Variants in HTRA4 observed in about 807,000 individuals in gnomAD.
The protein encoded by HTRA4 is HtrA serine peptidase 4.
In HTRA4, 46 loss-of-function variants were observed where a neutral mutation model predicts 49.1. That is an observed-to-expected ratio of 0.94 (90% CI 0.74 to 1.20). HTRA4 has a LOEUF of 1.20. HTRA4 is among the 50% of genes most tolerant of loss of function. The pLI, the probability that HTRA4 is intolerant of heterozygous loss-of-function variation, is 0.00. For synonymous variants in HTRA4, 261 were observed against 264.0 expected (o/e 0.99, Z 0.11); for missense variants, 602 against 636.9 (o/e 0.95, Z 0.59).
chr8:38,979,293 CAA>C (rs772800309), intron 5 of HTRA4, 46 bp downstream of exon 5: 2 of 1,567,522 alleles, frequency 1.3e-6, no homozygotes, highest in Admixed American at 3.3e-5. Flanking sequence ...TCTTAACTTT[CAA>C]AGACTTTATT....
At chr8:38,982,610 T>C (rs1335206141) in intron 7 of HTRA4, 55 bp downstream of exon 7, 1 of 1,535,340 alleles carries the variant, frequency 6.5e-7, no homozygotes, top group Non-Finnish European at 9.0e-7. Context: ...AAACCATAGC[T>C]GCACAGTCTT....
Position 38,978,086 on chromosome 8 carries a change from G to T in HTRA4, c.905G>T (p.Gly302Val), listed in dbSNP as rs762716727. Residue 302 changes from glycine (G) to valine (V), a missense_variant, in exon 4 of 9, where the codon GGC becomes GTC. Coordinates refer to ENST00000302495, the MANE Select transcript of HTRA4 (RefSeq NM_153692.4). ...ATTGTCAGCACCAAACAGCGAGGGG[G>T]CAAAGAACTGGGGATGAAGGATTCA... ...AGIVSTKQRG[G>V]KELGMKDSDM... is the part of the protein sequence containing the mutation. The T allele has an allele frequency of 3.2e-5, 51 of 1,614,130 alleles. No homozygotes were observed. The Middle Eastern group carries it at 6.6e-4, about 21-fold the overall frequency.
intron 5 of HTRA4, among the ~76,000 whole-genome samples, chr8:38,981,001 A>G (rs548962928): frequency 6.6e-6 from 1 of 151,836 alleles, no homozygotes; most frequent in Non-Finnish European, 1.5e-5. Flanking sequence ...CTTTGTCAAA[A>G]TACAAACTGT....
intron 3 of HTRA4, 116 bp downstream of exon 3, chr8:38,976,855 T>C: frequency 1.0e-6 from 1 of 978,076 alleles, no homozygotes; most frequent in Non-Finnish European, 1.5e-6. Flanking sequence ...ATATATGCTT[T>C]TCTCTGGTTT....
In HTRA4 at chr8:38,977,942, G is replaced by T; in HGVS notation, c.772-11G>T. ...TTTCTGTCCTCCCCATCCCTTTTTG[G>T]GCACGTGCAGGCTGAACTTCCTGTA... On this transcript the variant is annotated splice_polypyrimidine_tract_variant and intron_variant, in intron 3 of 8. Coordinates refer to ENST00000302495, the MANE Select transcript of HTRA4 (RefSeq NM_153692.4). 1 of 1,611,368 alleles carries T rather than the reference G, an allele frequency of 6.2e-7. No individual in the cohort carries two copies. Among genetic ancestry groups the T allele is most frequent in the Admixed American group, 1.7e-5 (1 of 59,360 alleles).
At chr8:38,987,878 G>C (rs1007444105) in intron 8 of HTRA4, 58 bp from the exon 9 acceptor site, 2 of 1,414,736 alleles carry the variant, frequency 1.4e-6, no homozygotes, top group African/African-American at 2.9e-5. Context: ...TTATAGATGG[G>C]GATAAGTAAA....
At position 38,988,125 on chromosome 8, in the gene HTRA4, T is replaced by TAAAAAA; in HGVS notation, c.*35_*40dup. ...TATCTTGTTTTAAAGTGGGATTATC[T>TAAAAAA]AAAAAAAAAAAAACCAGTTATATCA... On this transcript the variant is annotated 3_prime_UTR_variant, in exon 9 of 9. Coordinates refer to ENST00000302495, the MANE Select transcript of HTRA4 (RefSeq NM_153692.4). 45 of 1,334,490 alleles carry TAAAAAA rather than the reference T, an allele frequency of 3.4e-5. No individual in the cohort carries two copies. Among genetic ancestry groups the TAAAAAA allele is most frequent in the South Asian group, 1.7e-4 (11 of 66,126 alleles). The allele number at this position is 1,334,490 out of a possible 1,614,324, so 82.7% of individuals were successfully genotyped here.
In HTRA4 at chr8:38,988,649, TAAAAAG is replaced by T. The variant is rs1364853659; in HGVS notation, c.*557_*562del. 6.8e-6 allele frequency: 1 copy of T among 147,816 alleles called. No individual in the cohort carries two copies. Among genetic ancestry groups the T allele is most frequent in the African/African-American group, 2.5e-5 (1 of 39,410 alleles). The allele number at this position is 147,816 out of a possible 1,614,324, so 9.2% of individuals were successfully genotyped here. ...GTACCTCAGAACTTAAAAATAAAAA[TAAAAAG>T]AAAAATGGTAATGTTGTGAGATTAC... On this transcript the variant is annotated 3_prime_UTR_variant, in exon 9 of 9. Coordinates refer to ENST00000302495, the MANE Select transcript of HTRA4 (RefSeq NM_153692.4).
At chr8:38,980,922 C>CT (rs1055630330) in intron 5 of HTRA4, among the ~76,000 whole-genome samples, 7 of 152,082 alleles carry the variant, frequency 4.6e-5, no homozygotes, top group Admixed American at 4.6e-4. Context: ...AATCCCACAG[C>CT]TTTTTACCTT....
At chr8:38,981,631 A>T (rs1335512465) in intron 5 of HTRA4, 22 bp from the exon 6 acceptor site, 11 of 1,572,350 alleles carry the variant, frequency 7.0e-6, no homozygotes, top group Non-Finnish European at 9.6e-6. Flanking sequence ...TCATGACTGA[A>T]TGATGTCCCC....
intron 6 of HTRA4, among the ~76,000 whole-genome samples, chr8:38,982,111 G>A (rs1171269568): frequency 6.6e-6 from 1 of 152,142 alleles, no homozygotes; most frequent in African/African-American, 2.4e-5. Flanking sequence ...GCCTCCCAAA[G>A]TGCTGGGATT....
intron 2 of HTRA4, among the ~76,000 whole-genome samples, chr8:38,975,921 G>A (rs549554362): frequency 1.1e-4 from 16 of 152,272 alleles, no homozygotes; most frequent in African/African-American, 3.9e-4. Context: ...ATTAGGATTG[G>A]GTTCAGTCTT....
intron 3 of HTRA4, among the ~76,000 whole-genome samples, chr8:38,977,647 T>C (rs1255459661): frequency 6.6e-6 from 1 of 152,234 alleles, no homozygotes; most frequent in Non-Finnish European, 1.5e-5. Flanking sequence ...AAATTCCTAA[T>C]GTCAGTTTAT....
intron 4 of HTRA4, among the ~76,000 whole-genome samples, chr8:38,978,712 C>T (rs886510228): frequency 9.2e-5 from 14 of 152,036 alleles, no homozygotes; most frequent in African/African-American, 3.4e-4. Context: ...GTGGTGGTCC[C>T]TTGGCCAGGC....
intron 3 of HTRA4, among the ~76,000 whole-genome samples, chr8:38,977,156 G>A (rs571390567): frequency 5.3e-5 from 8 of 152,026 alleles, no homozygotes; most frequent in Admixed American, 2.6e-4. Flanking sequence ...GGCTGGTCTC[G>A]AACTCCTGAC....
intron 5 of HTRA4, 73 bp downstream of exon 5, chr8:38,979,320 G>A (rs1835391930): frequency 7.2e-7 from 1 of 1,392,810 alleles, no homozygotes; most frequent in Non-Finnish European, 1.0e-6. Flanking sequence ...CCAGGCCAGG[G>A]GTGGTGGCTC....
At chr8:38,977,264 G>A (rs1025889533) in intron 3 of HTRA4, among the ~76,000 whole-genome samples, 1 of 130,340 alleles carries the variant, frequency 7.7e-6, no homozygotes, top group Non-Finnish European at 1.6e-5. Flanking sequence ...CTATCAAGCA[G>A]TCTTTTTTTT....
chr8:38,977,708 A>C (rs929662271), intron 3 of HTRA4, among the ~76,000 whole-genome samples: 2 of 152,160 alleles, frequency 1.3e-5, no homozygotes, highest in African/African-American at 4.8e-5. Context: ...TCTACAAAGT[A>C]ATTGTTTTAG....
chr8:38,976,315 G>T (rs933782311), intron 2 of HTRA4, among the ~76,000 whole-genome samples: 1 of 80,326 alleles, frequency 1.2e-5, no homozygotes, highest in Non-Finnish European at 2.5e-5. Flanking sequence ...GGGAGGCTGA[G>T]GCAGGAGCCT....
Sources: allele counts gnomAD v4.1 joint callset (sites outside exome capture counted in the v4.1 genomes callset), GRCh38; gene constraint gnomAD v4.1.1; transcripts MANE v1.5; gene names NCBI Gene and HGNC (gene_info 2026-07-23, HGNC 2026-07-21).